COL5A2: variants seen among roughly 807,000 people sequenced by gnomAD.
COL5A2 encodes the protein collagen alpha-2(V) chain.
COL5A2 carries 23 observed loss-of-function variants against 208.2 expected under a neutral mutation model. That is an observed-to-expected ratio of 0.11 (90% CI 0.08 to 0.16). The LOEUF is 0.16. COL5A2 is among the 10% of genes least tolerant of loss of function. The probability of loss-of-function intolerance (pLI) is 1.00; values close to 1 mark genes in which losing one functional copy is unlikely to be tolerated. For missense variants in COL5A2, 1,590 were observed against 1,956.4 expected (o/e 0.81, Z 3.53); for synonymous variants, 625 against 628.5 (o/e 0.99, Z 0.08).
the COL5A2 span, among the ~76,000 whole-genome samples, chr2:189,251,810 A>G: frequency 2.4e-4 from 37 of 152,336 alleles, no homozygotes; most frequent in African/African-American, 8.9e-4. Flanking sequence ...AACTACCATC[A>G]GAGTGAACAG....
intron 17 of COL5A2, among the ~76,000 whole-genome samples, chr2:189,074,383 T>C (rs762333071): frequency 6.6e-5 from 10 of 152,234 alleles, no homozygotes; most frequent in South Asian, 4.1e-4. Flanking sequence ...TATGAAATAG[T>C]GCAAGATGGT....
At chr2:189,185,386 G>T (rs927123591) in intron 1 of COL5A2, among the ~76,000 whole-genome samples, 1 of 152,188 alleles carries the variant, frequency 6.6e-6, no homozygotes, top group Non-Finnish European at 1.5e-5. Flanking sequence ...CGAAGGCAAA[G>T]ATAGAAGCAG....
At chr2:189,163,562 G>A (rs1182043409) in intron 1 of COL5A2, among the ~76,000 whole-genome samples, 1 of 152,156 alleles carries the variant, frequency 6.6e-6, no homozygotes, top group East Asian at 1.9e-4. Context: ...TGGGAGCTGT[G>A]CTCCTTAAAT....
At chr2:189,037,084 C>T (rs73981491) in intron 51 of COL5A2, among the ~76,000 whole-genome samples, 84 of 151,910 alleles carry the variant, frequency 5.5e-4, no homozygotes, top group African/African-American at 1.9e-3. Context: ...AAAACCATAC[C>T]GAAAAGAGAA....
chr2:189,336,588 A>G, the COL5A2 span, among the ~76,000 whole-genome samples: 3 of 152,228 alleles, frequency 2.0e-5, no homozygotes, highest in South Asian at 6.2e-4. Flanking sequence ...AATCTTACAT[A>G]TATTTTGACT....
intron 24 of COL5A2, 52 bp downstream of exon 24, chr2:189,064,952 A>T (rs1686115428): frequency 2.6e-5 from 41 of 1,572,390 alleles, no homozygotes; most frequent in Admixed American, 6.8e-5. Context: ...GAAAAATGGC[A>T]TCTTCTGGAG....
intron 1 of COL5A2, among the ~76,000 whole-genome samples, chr2:189,187,655 A>T (rs1688869278): frequency 1.3e-5 from 2 of 152,214 alleles, no homozygotes; most frequent in Admixed American, 1.3e-4. Context: ...TCTAAAAAAC[A>T]TATAATGTGT....
chr2:189,316,504 T>A, the COL5A2 span, among the ~76,000 whole-genome samples: 2 of 150,650 alleles, frequency 1.3e-5, no homozygotes, highest in Non-Finnish European at 3.0e-5. Context: ...AGGAAAAAAA[T>A]TAAAATGTAA....
At chr2:189,063,139 T>C in intron 27 of COL5A2, 33 bp downstream of exon 27, 1 of 1,609,632 alleles carries the variant, frequency 6.2e-7, no homozygotes, top group Non-Finnish European at 8.5e-7. Flanking sequence ...AGGATCATGA[T>C]GAGGTGGCCA....
chr2:189,084,212 G>A (rs1325085124), intron 11 of COL5A2, among the ~76,000 whole-genome samples, 175 bp from the exon 12 acceptor site: 3 of 152,158 alleles, frequency 2.0e-5, no homozygotes, highest in Non-Finnish European at 2.9e-5. Flanking sequence ...TTATATTCCT[G>A]ATAGTACTCC....
intron 12 of COL5A2, 51 bp from the exon 13 acceptor site, chr2:189,081,094 A>G: frequency 2.7e-6 from 4 of 1,465,242 alleles, no homozygotes; most frequent in Non-Finnish European, 2.9e-6. Flanking sequence ...TAAGGATGCA[A>G]AATTCCTTAA....
chr2:189,292,528 G>A, the COL5A2 span, among the ~76,000 whole-genome samples: 1 of 152,156 alleles, frequency 6.6e-6, no homozygotes, highest in Admixed American at 6.5e-5. Context: ...GGCCATCAGA[G>A]AAATGCAAAT....
At chr2:189,433,451 G>T in the COL5A2 span, among the ~76,000 whole-genome samples, 1 of 151,816 alleles carries the variant, frequency 6.6e-6, no homozygotes, top group Non-Finnish European at 1.5e-5. Context: ...TAATAAAGAA[G>T]AAAAGAGAGA....
At chr2:189,251,410 A>G in the COL5A2 span, among the ~76,000 whole-genome samples, 15 of 152,188 alleles carry the variant, frequency 9.9e-5, no homozygotes, top group African/African-American at 3.4e-4. Flanking sequence ...TTTGAGATTC[A>G]TAGTGAACTA....
chr2:189,050,537 G>T, intron 43 of COL5A2, 32 bp downstream of exon 43: 1 of 1,454,358 alleles, frequency 6.9e-7, no homozygotes, highest in Non-Finnish European at 9.4e-7. Flanking sequence ...TTGCACATAT[G>T]AGATAAAATA....
chr2:189,101,939 T>C (rs1439838189), intron 3 of COL5A2, among the ~76,000 whole-genome samples: 4 of 152,094 alleles, frequency 2.6e-5, no homozygotes, highest in Non-Finnish European at 5.9e-5. Context: ...TATTTCTGCA[T>C]GTTCACATCC....
chr2:189,392,577 A>C, the COL5A2 span, among the ~76,000 whole-genome samples: 1 of 152,178 alleles, frequency 6.6e-6, no homozygotes, highest in Non-Finnish European at 1.5e-5. Context: ...AAATCATCTT[A>C]CTTTATCACC....
chr2:189,167,351 T>G (rs1559133889), intron 1 of COL5A2, among the ~76,000 whole-genome samples: 1 of 152,192 alleles, frequency 6.6e-6, no homozygotes, highest in Non-Finnish European at 1.5e-5. Flanking sequence ...TAGAGCCTAT[T>G]CACTGATTTA....
At chr2:189,218,840 T>C (rs755051125) in intron 1 of COL5A2, among the ~76,000 whole-genome samples, 19 of 152,038 alleles carry the variant, frequency 1.2e-4, no homozygotes, top group Non-Finnish European at 2.2e-4. Flanking sequence ...CAATGATAAA[T>C]GCACGAGATA....
Sources: gnomAD v4.1 joint callset for allele counts (sites outside exome capture counted in the v4.1 genomes callset) on GRCh38, gnomAD v4.1.1 for gene constraint, MANE v1.5 for transcripts, NCBI Gene and HGNC (gene_info 2026-07-23, HGNC 2026-07-21) for gene names.